Variants in CDC42BPB observed in about 807,000 individuals in gnomAD.
The protein encoded by CDC42BPB is CDC42 binding protein kinase beta.
CDC42BPB carries 37 observed loss-of-function variants against 214.9 expected under a neutral mutation model. The ratio of observed to expected loss-of-function variants is 0.17; its 90% confidence interval spans 0.13 to 0.23. CDC42BPB has a LOEUF of 0.23. Ranked by LOEUF, CDC42BPB falls within the 10% of genes least tolerant of loss-of-function variation. CDC42BPB has a pLI of 1.00. For missense variants in CDC42BPB, 1,694 were observed against 2,227.0 expected (o/e 0.76, Z 4.82); for synonymous variants, 931 against 884.0 (o/e 1.05, Z -0.94).
intron 12 of CDC42BPB, 108 bp from the exon 13 acceptor site, chr14:102,972,269 G>A: frequency 6.5e-7 from 1 of 1,539,888 alleles, no homozygotes; most frequent in Admixed American, 2.0e-5. Flanking sequence ...AGCCAATGCT[G>A]GTTACAGATT....
chr14:103,041,250 AC>A (rs1414929394), intron 1 of CDC42BPB, among the ~76,000 whole-genome samples: 1 of 152,200 alleles, frequency 6.6e-6, no homozygotes, highest in Non-Finnish European at 1.5e-5. Flanking sequence ...TAACCCCTCT[AC>A]CTCGTATCAT....
intron 1 of CDC42BPB, among the ~76,000 whole-genome samples, chr14:103,013,069 A>G (rs1886246475): frequency 6.6e-6 from 1 of 152,234 alleles, no homozygotes; most frequent in Non-Finnish European, 1.5e-5. Context: ...TTCAGTATCT[A>G]TCATAGCAAA....
chr14:102,994,456 C>T (rs1401824203), intron 5 of CDC42BPB, among the ~76,000 whole-genome samples: 1 of 152,180 alleles, frequency 6.6e-6, no homozygotes, highest in African/African-American at 2.4e-5. Flanking sequence ...AAGGGCTGAC[C>T]TATGGCTCCC....
chr14:102,938,906 G>GGCA (rs1018994368), intron 34 of CDC42BPB, among the ~76,000 whole-genome samples: 8 of 150,306 alleles, frequency 5.3e-5, no homozygotes, highest in African/African-American at 9.9e-5. Flanking sequence ...GGAATTAAGA[G>GGCA]GCATGAGCCA....
chr14:102,951,213 G>A (rs957366584), intron 24 of CDC42BPB, among the ~76,000 whole-genome samples: 3 of 152,186 alleles, frequency 2.0e-5, no homozygotes, highest in African/African-American at 7.2e-5. Context: ...TCAGGCCAGC[G>A]GTCATGGGGA....
chr14:103,027,127 CTG>C (rs1887098532), intron 1 of CDC42BPB, among the ~76,000 whole-genome samples: 2 of 152,162 alleles, frequency 1.3e-5, no homozygotes, highest in African/African-American at 4.8e-5. Flanking sequence ...CAAATCAAAA[CTG>C]TAACCAGACC....
chr14:102,968,542 T>C lies in CDC42BPB; in HGVS notation c.2170A>G (p.Ser724Gly). 6.2e-7 allele frequency: 1 copy of C among 1,614,218 alleles called. No homozygotes were observed. The highest frequency in any genetic ancestry group is 8.5e-7 in the Non-Finnish European group (1 of 1,180,052). ...TCTTTCTGCAGGGCCAGCTGGTGGC[T>C]TTCTGAATCATGCACCTCCTTCTTC... Reference protein sequence around the residue: ...NVKKEVHDSESHQLALQKEIL... With the variant: ...NVKKEVHDSEGHQLALQKEIL... The change falls in exon 15 of 37, where the codon AGC (serine) becomes GGC (glycine). Residue 724 changes from serine (S) to glycine (G), a missense_variant. Physicochemically the swap from Ser to Gly is moderately conservative, Grantham distance 56. This residue lies in a region of CDC42BPB where 462 missense variants were observed against 513.5 expected (regional missense o/e 0.90). Transcript: ENST00000361246.
At position 102,932,746 on chromosome 14, in the gene CDC42BPB, T is replaced by C. The variant is rs1891438302; in HGVS notation, c.*966A>G. The C allele has an allele frequency of 1.3e-5, 2 of 151,692 alleles. No individual in the cohort carries two copies. The highest frequency in any genetic ancestry group is 4.9e-5 in the African/African-American group (2 of 41,072). The allele number at this position is 151,692 out of a possible 1,614,324, so 9.4% of individuals were successfully genotyped here. A position where few individuals can be genotyped will look rare whatever the true frequency, so the allele number is the denominator to read the frequency against. The stretch of plus-strand genomic sequence containing the variant: ...GTCACTCAACATCTGGTACAAAGGG[T>C]GAGGTGAAATCCACGCGCAGGGGAT... On this transcript the variant is annotated 3_prime_UTR_variant, in exon 37 of 37. Transcript: ENST00000361246.
intron 1 of CDC42BPB, among the ~76,000 whole-genome samples, chr14:103,042,618 C>T (rs1002208779): frequency 6.6e-6 from 1 of 152,158 alleles, no homozygotes. Context: ...CCAAGACAAC[C>T]CGATTTTTTA....
At chr14:103,041,450 G>A (rs1887986981) in intron 1 of CDC42BPB, 2 of 972,388 alleles carry the variant, frequency 2.1e-6, no homozygotes, top group Admixed American at 2.3e-5. Context: ...TTCCTGCACA[G>A]AAGGGGCTCT....
chr14:102,993,262 C>T (rs1056435948), intron 5 of CDC42BPB, among the ~76,000 whole-genome samples: 5 of 152,140 alleles, frequency 3.3e-5, no homozygotes, highest in African/African-American at 1.2e-4. Context: ...ATATATACTA[C>T]GTTCACTTCC....
intron 1 of CDC42BPB, among the ~76,000 whole-genome samples, chr14:103,048,644 C>G (rs1888434650): frequency 6.7e-6 from 1 of 150,100 alleles, no homozygotes. Flanking sequence ...GGAGGCGGAG[C>G]CTGCAGTGAG....
chr14:103,056,813 C>A (rs1442177621), intron 1 of CDC42BPB, among the ~76,000 whole-genome samples, 186 bp downstream of exon 1: 4 of 150,866 alleles, frequency 2.7e-5, no homozygotes, highest in African/African-American at 9.7e-5. Context: ...GTGCAAGGAG[C>A]GGCTGGAGAG....
At chr14:102,959,826 C>T (rs1892874429) in intron 20 of CDC42BPB, 116 bp from the exon 21 acceptor site, 36 of 438,448 alleles carry the variant, frequency 8.2e-5, no homozygotes, top group Non-Finnish European at 1.1e-4. Context: ...ATACATCTGA[C>T]ATGATCACAA....
intron 20 of CDC42BPB, among the ~76,000 whole-genome samples, chr14:102,961,575 A>G (rs1892963271): frequency 6.6e-6 from 1 of 150,502 alleles, no homozygotes; most frequent in African/African-American, 2.5e-5. Flanking sequence ...CTTGTTGCCC[A>G]AGCTGGAGTG....
chr14:103,052,076 C>T (rs913794021), intron 1 of CDC42BPB, among the ~76,000 whole-genome samples: 5 of 151,950 alleles, frequency 3.3e-5, no homozygotes, highest in Admixed American at 6.6e-5. Flanking sequence ...TCCTGATCCA[C>T]TCACCTTGGC....
chr14:102,990,118 C>T (rs1034625247), intron 5 of CDC42BPB, among the ~76,000 whole-genome samples: 18 of 152,196 alleles, frequency 1.2e-4, no homozygotes, highest in Non-Finnish European at 2.4e-4. Context: ...TAACGTCCTA[C>T]GTACTCAAAG....
In CDC42BPB at chr14:102,971,945, G is replaced by T. The variant is rs761404232; in HGVS notation, c.1858C>A (p.Arg620=). 6.2e-7 allele frequency: 1 copy of T among 1,614,148 alleles called. No individual in the cohort carries two copies. The highest frequency in any genetic ancestry group is 8.5e-7 in the Non-Finnish European group (1 of 1,180,030). Residue 620 remains arginine (R), a synonymous_variant, in exon 13 of 37, where the codon CGG becomes AGG. Transcript: ENST00000361246. ...TCTTTCCTGAGCTTCTCAGCTCTCC[G>T]CATTTCCTGCCGCATGGCGTCCACC... ...QKVDAMRQEM[R]RAEKLRKELE... is the part of the protein sequence containing the mutation.
At chr14:102,994,074 G>T (rs150040175) in intron 5 of CDC42BPB, among the ~76,000 whole-genome samples, 242 of 152,322 alleles carry the variant, frequency 1.6e-3, no homozygotes, top group African/African-American at 5.7e-3. Flanking sequence ...AGACACAGAA[G>T]AGAGTAAGGA....
Sources: allele counts gnomAD v4.1 joint callset (sites outside exome capture counted in the v4.1 genomes callset), GRCh38; gene constraint gnomAD v4.1.1; regional missense constraint gnomAD v4.1.1; transcripts MANE v1.5; gene names NCBI Gene and HGNC (gene_info 2026-07-23, HGNC 2026-07-21).